The following DAPK2 variants were observed in gnomAD, a reference collection of about 807,000 sequenced individuals.
DAPK2 encodes death-associated protein kinase 2.
Under a neutral mutation model 44.1 loss-of-function variants are expected in DAPK2, and 35 were observed. The ratio of observed to expected loss-of-function variants is 0.79; its 90% CI spans 0.61 to 1.05. The LOEUF is 1.05. Ranked by LOEUF, DAPK2 falls within the 50% of genes least tolerant of loss-of-function variation. The probability of loss-of-function intolerance (pLI) is 0.00; values close to 1 mark genes in which losing one functional copy is unlikely to be tolerated. For synonymous variants in DAPK2, 174 were observed against 182.6 expected (o/e 0.95, Z 0.38); for missense variants, 453 against 483.2 (o/e 0.94, Z 0.59).
chr15:64,038,580 C>T lies in DAPK2; in HGVS notation c.92+1590G>A, dbSNP rs140683653. Among the ~76,000 whole-genome samples the T allele has an allele frequency of 5.9e-5, 9 of 152,328 alleles. 1 individual carries two copies. The East Asian group carries it at 1.2e-3, about 20-fold the overall frequency. On this transcript the variant is annotated intron_variant, in intron 1 of 10. Coordinates refer to ENST00000261891, the Ensembl canonical transcript of DAPK2. ...AGTTATTTGCTCCCCCACCCACCAT[C>T]CAGTCAGCCAGGACTAACTCCCTGA...
intron 1 of DAPK2, among the ~76,000 whole-genome samples, chr15:63,984,887 C>T (rs1346278403): frequency 1.3e-5 from 2 of 152,172 alleles, no homozygotes; most frequent in Non-Finnish European, 2.9e-5. Context: ...CCATCATTAG[C>T]ATCATCCTCA....
Position 63,939,324 on chromosome 15 carries a change from A to G in DAPK2, c.491T>C (p.Ile164Thr). 2 of 1,613,248 alleles carry G rather than the reference A, an allele frequency of 1.2e-6. No homozygotes were observed. Among genetic ancestry groups the G allele is most frequent in the Admixed American group, 3.3e-5 (2 of 59,970 alleles). Residue 164 changes from isoleucine to threonine, a missense_variant, in exon 4 of 11, where the codon ATT becomes ACT. Transcript: ENST00000261891. This position sits in a 1 kb window ranked among gnomAD's most constrained non-coding sequence, Gnocchi z 4.3. ...AAAGTCAATCAGCTTGATGTGTGGA[A>G]TGGGAATATTCTTGTCTAACAACAT...
In DAPK2 at chr15:63,972,775, A is replaced by T. The variant is rs548853609; in HGVS notation, c.315-1214T>A. 2.6e-5 allele frequency among the ~76,000 whole-genome samples: 4 copies of T among 152,368 alleles called. No homozygotes were observed. The South Asian group carries it at 8.3e-4, about 32-fold the overall frequency. ...CAAAATTGTTACTCAAAGGGAAGAA[A>T]GCTTAAAAGTATGCAAAATTCTCAG... On this transcript the variant is annotated intron_variant, in intron 2 of 10. Transcript: ENST00000261891.
At chr15:63,982,674 C>T (rs1263560366) in intron 2 of DAPK2, among the ~76,000 whole-genome samples, 1 of 152,212 alleles carries the variant, frequency 6.6e-6, no homozygotes, top group Non-Finnish European at 1.5e-5. Context: ...AGGTCTTCCT[C>T]TGCTAAGCCA....
At chr15:64,034,916 C>A (rs1025535534) in intron 1 of DAPK2, among the ~76,000 whole-genome samples, 3 of 152,066 alleles carry the variant, frequency 2.0e-5, no homozygotes, top group Admixed American at 1.3e-4. Flanking sequence ...TCCTGTAATC[C>A]CAGCACTTCG....
Position 64,046,312 on chromosome 15 carries a change from C to A in DAPK2, c.-21G>T, listed in dbSNP as rs1272535155. ...GTGCTACTCACGGCGGGAGGCTGAGCTGCCGCGGTCGCGGCCGCGGCAGGC... is the reference window on the plus strand; with the variant it reads ...GTGCTACTCACGGCGGGAGGCTGAGATGCCGCGGTCGCGGCCGCGGCAGGC... On this transcript the variant is annotated 5_prime_UTR_variant, in exon 1 of 12. Transcript: ENST00000457488. This position sits in a 1 kb window ranked among gnomAD's most constrained non-coding sequence, Gnocchi z 5.3. 3.1e-6 allele frequency: 3 copies of A among 980,278 alleles called. No individual in the cohort carries two copies. Among genetic ancestry groups the A allele is most frequent in the South Asian group, 4.7e-5 (1 of 21,312 alleles). 60.7% of individuals were successfully genotyped at this position (980,278 alleles called of 1,614,324 possible). A position where few individuals can be genotyped will look rare whatever the true frequency, so the allele number is the denominator to read the frequency against.
intron 3 of DAPK2, among the ~76,000 whole-genome samples, chr15:63,960,717 A>G (rs1406950804): frequency 6.6e-6 from 1 of 151,792 alleles, no homozygotes; most frequent in African/African-American, 2.4e-5. Flanking sequence ...TCTGAGAGAC[A>G]GTTATAATAT....
intron 3 of DAPK2, among the ~76,000 whole-genome samples, chr15:63,965,153 C>A (rs529561373): frequency 2.6e-5 from 4 of 152,292 alleles, no homozygotes; most frequent in East Asian, 3.9e-4. Flanking sequence ...GTCACTCCAG[C>A]CAAATCTGTA....
At position 63,916,226 on chromosome 15, in the gene DAPK2, C is replaced by T. The variant is rs1009401753; in HGVS notation, c.859-4029G>A. 6.6e-6 allele frequency: 1 copy of T among 152,348 alleles called. No individual in the cohort carries two copies. The highest frequency in any genetic ancestry group is 6.5e-5 in the Admixed American group (1 of 15,294). The allele number at this position is 152,348 out of a possible 1,614,324, so 9.4% of individuals were successfully genotyped here. ...GGGTGTGCCAGGTCAGTACCAACAT[C>T]CACAGGCAGGGGCAGGAAGCAGCAG... On this transcript the variant is annotated intron_variant, in intron 8 of 10. Coordinates refer to ENST00000261891, the Ensembl canonical transcript of DAPK2. The surrounding 1 kb of genome is among the most constrained non-coding windows in gnomAD (Gnocchi z 4.7).
At chr15:63,952,489 G>T (rs1205239633) in intron 3 of DAPK2, among the ~76,000 whole-genome samples, 2 of 152,084 alleles carry the variant, frequency 1.3e-5, no homozygotes, top group Non-Finnish European at 2.9e-5. Context: ...GTTGCCCGGG[G>T]CTAGGTTTTG....
chr15:63,985,554 T>G (rs1394652911), intron 1 of DAPK2, among the ~76,000 whole-genome samples: 5 of 152,324 alleles, frequency 3.3e-5, no homozygotes, highest in African/African-American at 1.2e-4. Flanking sequence ...AGAGTCCCTG[T>G]GACCTTGTCA....
intron 2 of DAPK2, among the ~76,000 whole-genome samples, chr15:63,979,917 AAAACAAAC>A (rs200598425): frequency 6.6e-6 from 1 of 151,970 alleles, no homozygotes; most frequent in Non-Finnish European, 1.5e-5. Context: ...TCCATCTCAA[AAAACAAAC>A]AAACAAACAA....
At position 63,912,121 on chromosome 15, in the gene DAPK2, C is replaced by T. The variant is rs764655277; in HGVS notation, c.935G>A (p.Arg312His). ...CCCTGGACACACCTTCCACCGCCTG[C>T]GGACATACTGCTTCCTGAAGTTCTC... is the stretch of plus-strand genomic sequence containing the variant. Residue 312 changes from arginine to histidine, a missense_variant, in exon 9 of 11, where the codon CGC becomes CAC. Physicochemically the swap from Arg to His is conservative, Grantham distance 29 (BLOSUM62 0). Coordinates refer to ENST00000261891, the Ensembl canonical transcript of DAPK2. The surrounding 1 kb of genome is among the most constrained non-coding windows in gnomAD (Gnocchi z 4.4). The T allele has an allele frequency of 3.4e-5, 55 of 1,613,334 alleles. 1 individual carries two copies. The highest frequency in any genetic ancestry group is 3.3e-4 in the Middle Eastern group (2 of 6,082).
At chr15:64,032,474 G>A (rs1426850992) in intron 1 of DAPK2, among the ~76,000 whole-genome samples, 5 of 152,220 alleles carry the variant, frequency 3.3e-5, no homozygotes, top group Non-Finnish European at 7.3e-5. Context: ...TGATAAACAA[G>A]TGCCAGATAA....
chr15:64,019,648 A>C (rs1056056004), intron 1 of DAPK2, among the ~76,000 whole-genome samples: 2 of 152,246 alleles, frequency 1.3e-5, no homozygotes, highest in African/African-American at 4.8e-5. Context: ...GCCACAGTGA[A>C]TGCTTCGGTG....
chr15:64,000,552 A>C (rs970675866), intron 1 of DAPK2, among the ~76,000 whole-genome samples: 4 of 152,230 alleles, frequency 2.6e-5, no homozygotes, highest in Non-Finnish European at 5.9e-5. Context: ...ATCAGTAGCC[A>C]TGTATTCCTT....
At chr15:63,996,757 A>T (rs2078958819) in intron 1 of DAPK2, among the ~76,000 whole-genome samples, 1 of 152,214 alleles carries the variant, frequency 6.6e-6, no homozygotes, top group Non-Finnish European at 1.5e-5. Context: ...GGGAGTCCCA[A>T]AGTGTGAAAG....
intron 1 of DAPK2, among the ~76,000 whole-genome samples, chr15:64,023,526 A>G (rs533382178): frequency 1.3e-5 from 2 of 152,250 alleles, no homozygotes; most frequent in Non-Finnish European, 2.9e-5. Flanking sequence ...AACTCACTCA[A>G]TCAAGGGAGG....
intron 1 of DAPK2, among the ~76,000 whole-genome samples, chr15:64,021,072 C>G (rs2079667321): frequency 6.6e-6 from 1 of 152,204 alleles, no homozygotes; most frequent in South Asian, 2.1e-4. Flanking sequence ...AGCCACAACC[C>G]TGATCTAGAA....
Sources: allele counts gnomAD v4.1 joint callset (sites outside exome capture counted in the v4.1 genomes callset), GRCh38; gene constraint gnomAD v4.1.1; non-coding constraint Gnocchi (gnomAD v3.1); transcripts MANE v1.5; gene names NCBI Gene and HGNC (gene_info 2026-07-23, HGNC 2026-07-21).